ABTB2: variants seen among roughly 807,000 people sequenced by gnomAD.
ABTB2 encodes the protein ankyrin repeat and BTB domain containing 2.
A neutral mutation model predicts 104.1 loss-of-function variants in ABTB2; 56 were observed. The ratio of observed to expected loss-of-function variants is 0.54; its 90% CI spans 0.43 to 0.67. ABTB2 has a LOEUF of 0.67. Among genes scored for constraint, ABTB2 ranks in the 30% least tolerant of loss-of-function variants. The probability of loss-of-function intolerance (pLI) is 0.00; values close to 1 mark genes in which losing one functional copy is unlikely to be tolerated. For synonymous variants in ABTB2, 606 were observed against 608.2 expected, an observed-to-expected ratio of 1.00 and a Z score of 0.05; for missense variants, 1,279 against 1,407.7, an observed-to-expected ratio of 0.91 and a Z score of 1.46.
intron 1 of ABTB2, among the ~76,000 whole-genome samples, chr11:34,276,913 C>T (rs1036012743): frequency 5.9e-5 from 9 of 152,082 alleles, no homozygotes; most frequent in South Asian, 4.1e-4. Flanking sequence ...TGTGTATGTA[C>T]GTATTTGAGA....
intron 1 of ABTB2, among the ~76,000 whole-genome samples, chr11:34,210,286 G>A (rs748717668): frequency 1.3e-5 from 2 of 152,154 alleles, no homozygotes; most frequent in Non-Finnish European, 2.9e-5. Context: ...CTATGTGTGC[G>A]ACAGCACTCA....
At chr11:34,259,472 T>C (rs745281) in intron 1 of ABTB2, among the ~76,000 whole-genome samples, 54,825 of 152,092 alleles carry the variant, frequency 0.36, 11,398 homozygotes, top group African/African-American at 0.57. Context: ...TTGTGGAGAA[T>C]GAAGAGGAAA....
At chr11:34,315,638 G>A (rs951464234) in intron 1 of ABTB2, among the ~76,000 whole-genome samples, 28 of 152,284 alleles carry the variant, frequency 1.8e-4, no homozygotes, top group Middle Eastern at 3.4e-3. Flanking sequence ...GCTCACCCTC[G>A]GCGCTGAGCA....
intron 1 of ABTB2, among the ~76,000 whole-genome samples, chr11:34,226,160 C>T (rs942195779): frequency 6.7e-6 from 1 of 148,170 alleles, no homozygotes; most frequent in African/African-American, 2.5e-5. Flanking sequence ...TGAGATTGCA[C>T]CACTACTCTC....
At chr11:34,192,547 T>C (rs906037358) in intron 3 of ABTB2, among the ~76,000 whole-genome samples, 2 of 152,188 alleles carry the variant, frequency 1.3e-5, no homozygotes, top group Admixed American at 6.5e-5. Context: ...CCTGTTTTCA[T>C]GTCCTGGATA....
chr11:34,208,546 G>A (rs1565141356), intron 1 of ABTB2, among the ~76,000 whole-genome samples: 1 of 152,150 alleles, frequency 6.6e-6, no homozygotes, highest in Non-Finnish European at 1.5e-5. Flanking sequence ...TGTTGTACTC[G>A]AATGTGCTGT....
chr11:34,163,341 G>A (rs948043707), intron 9 of ABTB2, among the ~76,000 whole-genome samples: 15 of 152,182 alleles, frequency 9.9e-5, no homozygotes, highest in African/African-American at 3.6e-4. Context: ...ACTGAAGACG[G>A]ATGTCATGTA....
intron 1 of ABTB2, among the ~76,000 whole-genome samples, chr11:34,240,454 A>C (rs1853901471): frequency 6.6e-6 from 1 of 152,210 alleles, no homozygotes. Flanking sequence ...GCTGCCTGAC[A>C]AGGATCCCAC....
intron 1 of ABTB2, among the ~76,000 whole-genome samples, chr11:34,249,141 CA>C (rs1442551707): frequency 2.0e-5 from 3 of 152,144 alleles, no homozygotes; most frequent in Non-Finnish European, 4.4e-5. Context: ...AACAAACAAA[CA>C]AAATGAAAGA....
rs374540455 is a variant in ABTB2 at position 34,236,528 on chromosome 11, C to T, written c.884-31838G>A. Among the ~76,000 whole-genome samples, 4 of 152,284 alleles carry T rather than the reference C, an allele frequency of 2.6e-5. No individual in the cohort carries two copies. In the South Asian group the frequency reaches 8.3e-4, roughly 32 times the overall value. Reference sequence around the variant, plus strand: ...TCCCTAACAGCAGCATTTTAAGCAGCAGATTTTAGGTAGCTTGAAGCCAGA... The same window carrying T: ...TCCCTAACAGCAGCATTTTAAGCAGTAGATTTTAGGTAGCTTGAAGCCAGA... On this transcript the variant is annotated intron_variant, in intron 1 of 16. Transcript: ENST00000435224.
In ABTB2 at chr11:34,195,679, C is replaced by G. The variant is rs146064309; in HGVS notation, c.1244+1646G>C. On this transcript the variant is annotated intron_variant, in intron 3 of 16. Transcript: ENST00000435224. ...GTTAGTCTCTCCAAGCCTCCACTTA[C>G]TCATCTGTAAATGGGGCTCTGAAGA... Among the ~76,000 whole-genome samples, 995 of 152,330 alleles carry G rather than the reference C, an allele frequency of 6.5e-3. 20 individuals are homozygous for G. Among genetic ancestry groups the G allele is most frequent in the Non-Finnish European group, 7.9e-3 (536 of 68,022 alleles).
intron 1 of ABTB2, among the ~76,000 whole-genome samples, chr11:34,312,338 T>C (rs1356384443): frequency 6.6e-6 from 1 of 152,112 alleles, no homozygotes; most frequent in Non-Finnish European, 1.5e-5. Flanking sequence ...AGGCAAGTGA[T>C]GTTGGACTTA....
Position 34,254,723 on chromosome 11 carries a change from G to T in ABTB2, c.884-50033C>A, listed in dbSNP as rs150560152. 4.8e-3 allele frequency among the ~76,000 whole-genome samples: 718 copies of T among 149,086 alleles called. 3 individuals carry two copies. The highest frequency in any genetic ancestry group is 0.016 in the African/African-American group (634 of 40,346). ...GTCTTGCTCTATCGCCCAGGCTGGA[G>T]TGCAGTGGTATGATCTCGGCTCACT... On this transcript the variant is annotated intron_variant, in intron 1 of 16. Transcript: ENST00000435224.
At chr11:34,309,842 T>TA (rs551680147) in intron 1 of ABTB2, among the ~76,000 whole-genome samples, 1 of 152,100 alleles carries the variant, frequency 6.6e-6, no homozygotes, top group Non-Finnish European at 1.5e-5. Context: ...GTCAGGCAGT[T>TA]AAAGTTATTG....
chr11:34,293,549 G>C (rs1266202667), intron 1 of ABTB2, among the ~76,000 whole-genome samples: 4 of 152,152 alleles, frequency 2.6e-5, no homozygotes, highest in African/African-American at 7.2e-5. Context: ...TGAGAATCAA[G>C]GGTGTCATGC....
At chr11:34,341,042 G>A (rs1855255993) in intron 1 of ABTB2, among the ~76,000 whole-genome samples, 2 of 152,192 alleles carry the variant, frequency 1.3e-5, no homozygotes, top group African/African-American at 2.4e-5. Context: ...ATCAGCAACA[G>A]TATCTACCTC....
At position 34,164,761 on chromosome 11, in the gene ABTB2, A is replaced by T; in HGVS notation, c.1913T>A (p.Leu638Gln). 1 of 1,563,092 alleles carries T rather than the reference A, an allele frequency of 6.4e-7. No homozygotes were observed. The highest frequency in any genetic ancestry group is 8.6e-7 in the Non-Finnish European group (1 of 1,163,940). ...GGAGGAGCCCATGCCGTGGGCCTCC[A>T]GCATGCTGAGGAGGGGGTCGGCGCC... The part of the protein sequence containing the change: ...SRGADPLLSM[L>Q]EAHGMGSSLH... Residue 638 changes from leucine to glutamine, a missense_variant, in exon 9 of 17, where the codon CTG becomes CAG. Coordinates refer to ENST00000435224, the MANE Select transcript of ABTB2 (RefSeq NM_145804.3).
In ABTB2 at chr11:34,357,212, C is replaced by T. The variant is rs1186361302; in HGVS notation, c.372G>A (p.Ala124=). ...GRRLPQFSAE[A]VRRLAGLLRR... Reference sequence around the variant, plus strand: ...GGAGCAGCCCGGCCAGGCGCCTCACCGCCTCGGCGGAGAACTGGGGCAGCC... The same window carrying T: ...GGAGCAGCCCGGCCAGGCGCCTCACTGCCTCGGCGGAGAACTGGGGCAGCC... Residue 124 remains alanine (A), a synonymous_variant, in exon 1 of 17, where the codon GCG becomes GCA. Transcript: ENST00000435224. The T allele has an allele frequency of 2.0e-6, 3 of 1,509,598 alleles. No homozygotes were observed. Among genetic ancestry groups the T allele is most frequent in the Admixed American group, 2.2e-5 (1 of 46,216 alleles). 93.5% of individuals were successfully genotyped at this position (1,509,598 alleles called of 1,614,324 possible). A position where few individuals can be genotyped will look rare whatever the true frequency, so the allele number is the denominator to read the frequency against.
intron 9 of ABTB2, among the ~76,000 whole-genome samples, chr11:34,163,522 G>A (rs1412957810): frequency 1.3e-5 from 2 of 152,328 alleles, no homozygotes; most frequent in East Asian, 3.9e-4. Flanking sequence ...AGGACTTCTG[G>A]CTCCAAGACC....
Sources: allele counts gnomAD v4.1 joint callset (sites outside exome capture counted in the v4.1 genomes callset), GRCh38; gene constraint gnomAD v4.1.1; transcripts MANE v1.5; gene names NCBI Gene and HGNC (gene_info 2026-07-23, HGNC 2026-07-21).